The following NCOA3 variants were observed in gnomAD, a reference collection of about 807,000 sequenced individuals.
NCOA3 encodes the protein CBP-interacting protein.
A neutral mutation model predicts 158.8 loss-of-function variants in NCOA3; 51 were observed. The observed-to-expected ratio is 0.32, with a 90% CI of 0.26 to 0.41. The LOEUF (loss-of-function observed/expected upper bound fraction) is 0.41. Among genes scored for constraint, NCOA3 ranks in the 10% least tolerant of loss-of-function variants. The pLI, the probability that NCOA3 is intolerant of heterozygous loss-of-function variation, is 1.00. For missense variants in NCOA3, 1,510 were observed against 1,746.6 expected (o/e 0.86, Z 2.41); for synonymous variants, 537 against 592.4 (o/e 0.91, Z 1.36).
rs138888463 is a variant in NCOA3, at chr20:47,648,140, G to A, written c.3546+774G>A. Among the ~76,000 whole-genome samples the A allele has an allele frequency of 2.4e-3, 362 of 152,104 alleles. 1 individual carries two copies. The highest frequency in any genetic ancestry group is 8.3e-3 in the African/African-American group (345 of 41,504). ...GGCCCGTCTTGAACTCCTGACCTCA[G>A]GTGATCCTCCTGCCTTGACCTTCCA... On this transcript the variant is annotated intron_variant, in intron 18 of 22. Coordinates refer to ENST00000371998, the MANE Select transcript of NCOA3 (RefSeq NM_181659.3).
chr20:47,611,078 G>C (rs1300147042), intron 2 of NCOA3, among the ~76,000 whole-genome samples: 1 of 152,082 alleles, frequency 6.6e-6, no homozygotes, highest in Non-Finnish European at 1.5e-5. Context: ...TTGGTTACCA[G>C]GTGGCTAATG....
At chr20:47,646,486 G>A (rs1395039026) in intron 17 of NCOA3, among the ~76,000 whole-genome samples, 1 of 152,180 alleles carries the variant, frequency 6.6e-6, no homozygotes, top group Non-Finnish European at 1.5e-5. Flanking sequence ...AGATACCTGA[G>A]ACATCAGGGT....
At chr20:47,530,486 A>G (rs1474905550) in intron 1 of NCOA3, among the ~76,000 whole-genome samples, 3 of 143,386 alleles carry the variant, frequency 2.1e-5, no homozygotes, top group East Asian at 4.0e-4. Flanking sequence ...TTTTTGAGAC[A>G]GAGTCTTACT....
chr20:47,652,889 A>C, intron 21 of NCOA3, 42 bp from the exon 22 acceptor site: 3 of 1,606,672 alleles, frequency 1.9e-6, no homozygotes, highest in Non-Finnish European at 2.6e-6. Context: ...TTTGTCGCTA[A>C]AGTGACTTCC....
At chr20:47,643,663 C>T (rs904645059) in intron 17 of NCOA3, among the ~76,000 whole-genome samples, 8 of 152,080 alleles carry the variant, frequency 5.3e-5, no homozygotes, top group African/African-American at 1.9e-4. Context: ...TCTTGATTTA[C>T]TCCTTTGTTT....
At chr20:47,554,402 A>G (rs2084969841) in intron 1 of NCOA3, among the ~76,000 whole-genome samples, 1 of 151,964 alleles carries the variant, frequency 6.6e-6, no homozygotes, top group Non-Finnish European at 1.5e-5. Context: ...TCTTTAGTTT[A>G]ATTAGATCTC....
intron 2 of NCOA3, among the ~76,000 whole-genome samples, chr20:47,616,504 C>A (rs1221936080): frequency 6.6e-6 from 1 of 152,100 alleles, no homozygotes; most frequent in Non-Finnish European, 1.5e-5. Flanking sequence ...TTTAAAAATG[C>A]AGTCTTAAAG....
At chr20:47,559,921 G>T (rs1328035471) in intron 1 of NCOA3, among the ~76,000 whole-genome samples, 1 of 151,808 alleles carries the variant, frequency 6.6e-6, no homozygotes, top group Non-Finnish European at 1.5e-5. Context: ...CAAAGTGCTA[G>T]GATTACAGGC....
At chr20:47,607,623 CT>C (rs2085968646) in intron 2 of NCOA3, among the ~76,000 whole-genome samples, 1 of 152,230 alleles carries the variant, frequency 6.6e-6, no homozygotes, top group African/African-American at 2.4e-5. Context: ...CTGATTTTCT[CT>C]TGTTAATTTG....
At chr20:47,593,826 A>C (rs1029016516) in intron 2 of NCOA3, among the ~76,000 whole-genome samples, 1 of 152,194 alleles carries the variant, frequency 6.6e-6, no homozygotes. Context: ...AGAACCTTAT[A>C]AGATAATTAG....
intron 1 of NCOA3, among the ~76,000 whole-genome samples, chr20:47,530,898 A>G (rs746186577): frequency 2.0e-5 from 3 of 152,200 alleles, no homozygotes; most frequent in Non-Finnish European, 2.9e-5. Flanking sequence ...CAACTTTTCT[A>G]ATGATGTAAG....
chr20:47,647,121 G>T lies in NCOA3; in HGVS notation c.3301G>T (p.Ala1101Ser), dbSNP rs998164128. The T allele has an allele frequency of 1.2e-6, 2 of 1,614,188 alleles. No homozygotes were observed. The highest frequency in any genetic ancestry group is 3.3e-5 in the Admixed American group (2 of 60,028). Residue 1101 changes from alanine (A) to serine (S), a missense_variant, in exon 18 of 23, where the codon GCA becomes TCA. Ala to Ser is a moderately conservative substitution (Grantham distance 99, BLOSUM62 1). Transcript: ENST00000371998. The stretch of plus-strand genomic sequence containing the variant: ...GGATGCTTTCCAAGGCCAAGAAGCA[G>T]CAGTAATGATGGATCAGAAGGCAGG... ...KQDAFQGQEA[A>S]VMMDQKAGLY...
chr20:47,656,100 G>T lies in NCOA3; in HGVS notation c.*2683G>T, dbSNP rs2086868805. On this transcript the variant is annotated 3_prime_UTR_variant, in exon 23 of 23. Transcript: ENST00000371998. ...AGTATAATCTTTTCATCTGCTTTTA[G>T]AATGTGGGATATTTCCAGTACCTAC... 6.8e-6 allele frequency: 1 copy of T among 146,460 alleles called. No individual in the cohort carries two copies. The highest frequency in any genetic ancestry group is 2.5e-5 in the African/African-American group (1 of 39,646). The allele number at this position is 146,460 out of a possible 1,614,324, so 9.1% of individuals were successfully genotyped here. A position where few individuals can be genotyped will look rare whatever the true frequency, so the allele number is the denominator to read the frequency against.
At chr20:47,610,477 C>T (rs1208547396) in intron 2 of NCOA3, among the ~76,000 whole-genome samples, 8 of 152,162 alleles carry the variant, frequency 5.3e-5, no homozygotes, top group Non-Finnish European at 1.2e-4. Context: ...GCCCCAGCCT[C>T]CCAAAGCGTT....
intron 1 of NCOA3, among the ~76,000 whole-genome samples, chr20:47,532,748 T>G (rs1373095876): frequency 2.0e-5 from 3 of 152,180 alleles, no homozygotes; most frequent in African/African-American, 7.2e-5. Context: ...ATTGGCATTA[T>G]AGGTGTGAGC....
chr20:47,549,426 G>A (rs900803560), intron 1 of NCOA3, among the ~76,000 whole-genome samples: 1 of 151,746 alleles, frequency 6.6e-6, no homozygotes, highest in Non-Finnish European at 1.5e-5. Flanking sequence ...GGCACAGGAT[G>A]ACAGGTACCT....
intron 1 of NCOA3, among the ~76,000 whole-genome samples, chr20:47,561,274 C>A (rs2085100355): frequency 7.2e-6 from 1 of 138,402 alleles, no homozygotes; most frequent in Non-Finnish European, 1.5e-5. Context: ...TGGGACTGGC[C>A]AATTTTTTTT....
intron 8 of NCOA3, chr20:47,628,671 C>G (rs1329505512): frequency 6.6e-6 from 1 of 152,136 alleles, no homozygotes; most frequent in African/African-American, 2.4e-5. Context: ...CTCAGCCTCC[C>G]AAAATGCTGG....
At chr20:47,547,337 T>C (rs760376881) in intron 1 of NCOA3, among the ~76,000 whole-genome samples, 8 of 138,646 alleles carry the variant, frequency 5.8e-5, no homozygotes, top group Non-Finnish European at 1.2e-4. Flanking sequence ...ATATCGTTTC[T>C]CTTTAAACCC....
Sources: gnomAD v4.1 joint callset for allele counts (sites outside exome capture counted in the v4.1 genomes callset) on GRCh38, gnomAD v4.1.1 for gene constraint, MANE v1.5 for transcripts, NCBI Gene and HGNC (gene_info 2026-07-23, HGNC 2026-07-21) for gene names.